The following PDCD10 variants were observed in gnomAD, a reference collection of about 807,000 sequenced individuals.
The protein encoded by PDCD10 is programmed cell death 10, also known as programmed cell death protein 10.
A neutral mutation model predicts 29.2 loss-of-function variants in PDCD10; 4 were observed. That is an observed-to-expected ratio of 0.14 (90% CI 0.07 to 0.31). PDCD10 has a LOEUF of 0.31. Among genes scored for constraint, PDCD10 ranks in the 10% least tolerant of loss-of-function variants. The probability of loss-of-function intolerance (pLI) is 1.00; values close to 1 mark genes in which losing one functional copy is unlikely to be tolerated. For synonymous variants in PDCD10, 70 were observed against 82.2 expected (o/e 0.85, Z 0.80); for missense variants, 183 against 257.9 (o/e 0.71, Z 1.99).
chr3:167,734,421 C>G (rs897459961), intron 1 of PDCD10, 71 bp from the exon 2 acceptor site: 1 of 152,762 alleles, frequency 6.5e-6, no homozygotes, highest in East Asian at 1.9e-4. Flanking sequence ...CCTCCCTTTT[C>G]TCTTACTTAC....
intron 6 of PDCD10, among the ~76,000 whole-genome samples, chr3:167,689,576 G>C (rs1347272040): frequency 8.9e-6 from 1 of 112,842 alleles, no homozygotes; most frequent in Non-Finnish European, 1.9e-5. Context: ...CATGCACCTA[G>C]GGAGACAAAA....
In PDCD10 at chr3:167,684,329, C is replaced by T; in HGVS notation, c.618G>A (p.Gln206=). 1 of 1,600,748 alleles carries T rather than the reference C, an allele frequency of 6.2e-7. No homozygotes were observed. The highest frequency in any genetic ancestry group is 8.6e-7 in the Non-Finnish European group (1 of 1,168,336). The change falls in exon 9 of 9, where the codon CAG becomes CAA. Residue 206 remains glutamine, a synonymous_variant. Transcript: ENST00000392750. ...ACTTTCAGGCCACAGTTTTGAAGGT[C>T]TGAAGTATTAAGTTGGTTTGATGAA... ...RLIHQTNLIL[Q]TFKTVA
At chr3:167,725,554 A>G (rs1218814724) in intron 2 of PDCD10, 1 of 151,676 alleles carries the variant, frequency 6.6e-6, no homozygotes. Context: ...TTAAGGATAT[A>G]CCTACATCTC....
intron 3 of PDCD10, among the ~76,000 whole-genome samples, chr3:167,717,575 G>T (rs1271624808): frequency 6.6e-6 from 1 of 151,702 alleles, no homozygotes; most frequent in Admixed American, 6.6e-5. Flanking sequence ...AATTGATTAG[G>T]TATCTTATTT....
intron 8 of PDCD10, 47 bp downstream of exon 8, chr3:167,687,187 C>T (rs1719718065): frequency 1.0e-6 from 1 of 978,524 alleles, no homozygotes; most frequent in Non-Finnish European, 1.6e-6. Flanking sequence ...TATAAAACCA[C>T]ATAATCTATT....
intron 8 of PDCD10, 30 bp from the exon 9 acceptor site, chr3:167,684,419 T>A: frequency 7.4e-7 from 1 of 1,351,164 alleles, no homozygotes; most frequent in Non-Finnish European, 1.1e-6. Flanking sequence ...TAAGCATTAA[T>A]TTCATCCAAA....
Position 167,720,173 on chromosome 3 carries a change from A to C in PDCD10, c.-16T>G. ...TCATCCTCATTCAAAAGCCAACTAC[A>C]GTTGAAAAAGCAGTGCTAAAATGCA... On this transcript the variant is annotated 5_prime_UTR_variant, in exon 3 of 9. Transcript: ENST00000392750. 6.4e-7 allele frequency: 1 copy of C among 1,551,360 alleles called. No individual in the cohort carries two copies. The highest frequency in any genetic ancestry group is 8.9e-7 in the Non-Finnish European group (1 of 1,123,344).
At chr3:167,723,610 A>G (rs761964794) in intron 2 of PDCD10, among the ~76,000 whole-genome samples, 3 of 152,210 alleles carry the variant, frequency 2.0e-5, no homozygotes, top group Non-Finnish European at 4.4e-5. Flanking sequence ...AATTAAATAC[A>G]TAATAAAAAT....
intron 2 of PDCD10, among the ~76,000 whole-genome samples, chr3:167,733,868 C>T: frequency 6.6e-6 from 1 of 152,072 alleles, no homozygotes; most frequent in Non-Finnish European, 1.5e-5. Flanking sequence ...TAATACACCC[C>T]TAAAAAAAGG....
At chr3:167,691,589 A>AGG (rs995190541) in intron 6 of PDCD10, among the ~76,000 whole-genome samples, 3 of 152,188 alleles carry the variant, frequency 2.0e-5, no homozygotes, top group African/African-American at 4.8e-5. Context: ...GGGACTCTGT[A>AGG]GGGGGAAAGA....
chr3:167,727,532 T>C (rs1376036697), intron 2 of PDCD10, among the ~76,000 whole-genome samples: 2 of 152,150 alleles, frequency 1.3e-5, no homozygotes, highest in Non-Finnish European at 2.9e-5. Flanking sequence ...TGAATAGTTG[T>C]TTGGTGTTTA....
intron 3 of PDCD10, among the ~76,000 whole-genome samples, chr3:167,719,152 T>C (rs1723323259): frequency 2.0e-5 from 3 of 152,074 alleles, no homozygotes; most frequent in Admixed American, 2.0e-4. Context: ...AATGAAAGTA[T>C]TTTACAAAGA....
At chr3:167,720,582 T>C (rs1353322524) in intron 2 of PDCD10, among the ~76,000 whole-genome samples, 3 of 152,022 alleles carry the variant, frequency 2.0e-5, no homozygotes, top group Admixed American at 2.0e-4. Context: ...CATGCCACCA[T>C]ATACAATCTA....
At chr3:167,686,556 A>G (rs1184359807) in intron 8 of PDCD10, among the ~76,000 whole-genome samples, 1 of 152,234 alleles carries the variant, frequency 6.6e-6, no homozygotes, top group Non-Finnish European at 1.5e-5. Context: ...AGGATTGACA[A>G]CTATTGCTTT....
chr3:167,684,484 G>T (rs879063662), intron 8 of PDCD10, 95 bp from the exon 9 acceptor site: 15 of 517,334 alleles, frequency 2.9e-5, no homozygotes, highest in Non-Finnish European at 4.8e-5. Context: ...ATCAATTTTA[G>T]AAAAAAAAAA....
intron 3 of PDCD10, among the ~76,000 whole-genome samples, chr3:167,713,759 G>T (rs1256703273): frequency 1.3e-5 from 2 of 151,928 alleles, no homozygotes; most frequent in Non-Finnish European, 2.9e-5. Context: ...GATCATTAGT[G>T]GCTACTATGA....
At chr3:167,705,288 T>C (rs1452348391) in intron 3 of PDCD10, among the ~76,000 whole-genome samples, 1 of 152,142 alleles carries the variant, frequency 6.6e-6, no homozygotes. Flanking sequence ...ACCTAGCTTC[T>C]GTTAAATTCT....
intron 3 of PDCD10, among the ~76,000 whole-genome samples, chr3:167,712,109 A>G (rs1722581245): frequency 6.6e-6 from 1 of 152,158 alleles, no homozygotes; most frequent in African/African-American, 2.4e-5. Context: ...AGAAACACAC[A>G]GAATATTATA....
chr3:167,696,532 C>A (rs1720827865), intron 5 of PDCD10, among the ~76,000 whole-genome samples: 1 of 151,856 alleles, frequency 6.6e-6, no homozygotes, highest in Non-Finnish European at 1.5e-5. Context: ...TTAAGTAAAA[C>A]CAACGTCTAA....
Sources: allele counts gnomAD v4.1 joint callset (sites outside exome capture counted in the v4.1 genomes callset), GRCh38; gene constraint gnomAD v4.1.1; transcripts MANE v1.5; gene names NCBI Gene and HGNC (gene_info 2026-07-23, HGNC 2026-07-21).